Variants in ECT2L observed in about 807,000 individuals in gnomAD.
ECT2L encodes the protein epithelial cell transforming 2 like, also known as epithelial cell-transforming sequence 2 oncogene-like.
Under a neutral mutation model 122.8 loss-of-function variants are expected in ECT2L, and 126 were observed. The observed-to-expected ratio is 1.03, with a 90% CI of 0.89 to 1.19. The LOEUF (loss-of-function observed/expected upper bound fraction) is 1.19. Ranked by LOEUF, ECT2L falls within the 50% of genes most tolerant of loss-of-function variation. The probability of loss-of-function intolerance (pLI) is 0.00; values close to 1 mark genes in which losing one functional copy is unlikely to be tolerated. For synonymous variants in ECT2L, 385 were observed against 381.8 expected, an observed-to-expected ratio of 1.01 and a Z score of -0.10; for missense variants, 1,012 against 1,064.1, an observed-to-expected ratio of 0.95 and a Z score of 0.68.
At position 138,891,929 on chromosome 6, in the gene ECT2L, C is replaced by CT. The variant is rs199588044; in HGVS notation, c.2414+2905dup. 3.9e-5 allele frequency among the ~76,000 whole-genome samples: 6 copies of CT among 152,290 alleles called. No homozygotes were observed. In the East Asian group the frequency reaches 9.6e-4, roughly 24 times the overall value. ...TGAATGTATTATGCCTAGATGTAGA[C>CT]TTTTTTTAAAATCCTGTTTTGTGTT... On this transcript the variant is annotated intron_variant, in intron 20 of 21. Coordinates refer to ENST00000541398, the MANE Select transcript of ECT2L (RefSeq NM_001077706.3).
intron 9 of ECT2L, among the ~76,000 whole-genome samples, chr6:138,850,994 C>CAAAAAAAAAA (rs34453938): frequency 6.1e-4 from 35 of 57,768 alleles, no homozygotes; most frequent in African/African-American, 1.0e-3. Flanking sequence ...AACTCCATCT[C>CAAAAAAAAAA]AAAAAAAAAA....
chr6:138,810,103 C>T (rs78528657), intron 1 of ECT2L, among the ~76,000 whole-genome samples: 2,057 of 152,164 alleles, frequency 0.014, 42 homozygotes, highest in African/African-American at 0.048. Flanking sequence ...TACTACAGGC[C>T]ACGTTTGCCA....
At chr6:138,889,404 G>A (rs1778939946) in intron 20 of ECT2L, among the ~76,000 whole-genome samples, 1 of 151,820 alleles carries the variant, frequency 6.6e-6, no homozygotes, top group Admixed American at 6.6e-5. Context: ...TCGGCTCACA[G>A]CAACCTCCGC....
intron 12 of ECT2L, 105 bp downstream of exon 12, chr6:138,865,283 C>T: frequency 8.9e-7 from 1 of 1,125,362 alleles, no homozygotes; most frequent in Non-Finnish European, 1.2e-6. Flanking sequence ...TACTCTTGAA[C>T]ATCTCCAGTA....
Position 138,822,901 on chromosome 6 carries a change from T to C in ECT2L, c.179+8298T>C, listed in dbSNP as rs191771435. ...CTCCCTGTATTCCTCACAATAGCTT[T>C]CGTCATTGGACTTGCAGGCAATTCC... On this transcript the variant is annotated intron_variant, in intron 4 of 21. Coordinates refer to ENST00000541398, the MANE Select transcript of ECT2L (RefSeq NM_001077706.3). The C allele has an allele frequency of 1.1e-5, 18 of 1,613,954 alleles. No individual in the cohort carries two copies. In the Admixed American group the frequency reaches 1.2e-4, roughly 10 times the overall value.
At chr6:138,833,883 G>A (rs1224529290) in intron 4 of ECT2L, among the ~76,000 whole-genome samples, 3 of 151,938 alleles carry the variant, frequency 2.0e-5, no homozygotes, top group Non-Finnish European at 4.4e-5. Flanking sequence ...CCCTGACCAA[G>A]CCATAAAAGT....
At chr6:138,862,853 C>T (rs778758896) in intron 11 of ECT2L, 134 bp downstream of exon 11, 74 of 628,602 alleles carry the variant, frequency 1.2e-4, no homozygotes, top group Non-Finnish European at 1.8e-4. Flanking sequence ...CCTGAAGGAA[C>T]GCTATTAGTT....
rs1777539116 is a variant in ECT2L at position 138,854,169 on chromosome 6, C to T, written c.1198+15C>T. 2 of 1,593,994 alleles carry T rather than the reference C, an allele frequency of 1.3e-6. No individual in the cohort carries two copies. Among genetic ancestry groups the T allele is most frequent in the South Asian group, 1.1e-5 (1 of 88,748 alleles). ...TGGAGCATCAGGTTAGCTCAGAACA[C>T]CTTATAGAGAGACAGTGGCCATGCC... On this transcript the variant is annotated intron_variant, in intron 10 of 21. Coordinates refer to ENST00000541398, the MANE Select transcript of ECT2L (RefSeq NM_001077706.3).
chr6:138,805,699 A>G (rs1392491798), intron 1 of ECT2L, among the ~76,000 whole-genome samples: 1 of 152,154 alleles, frequency 6.6e-6, no homozygotes, highest in African/African-American at 2.4e-5. Context: ...CTCTCTCCAT[A>G]TGGTCTCTTG....
rs778229557 is a variant in ECT2L, at chr6:138,868,206, TGTAA to T, written c.1578+3_1578+6del. ...TGATGGAGTTGTCAAAAGAAGATTC[TGTAA>T]GTGTTTCTTTGAAGAAAGTAAACTA... On this transcript the variant is annotated splice_donor_variant and splice_donor_region_variant and intron_variant, in intron 13 of 21. Coordinates refer to ENST00000541398, the MANE Select transcript of ECT2L (RefSeq NM_001077706.3). LOFTEE classifies it high-confidence loss of function. 1.6e-5 allele frequency: 25 copies of T among 1,608,190 alleles called. No individual in the cohort carries two copies. The highest frequency in any genetic ancestry group is 2.0e-5 in the Non-Finnish European group (23 of 1,177,622).
Position 138,885,709 on chromosome 6 carries a change from T to G in ECT2L, c.2138T>G (p.Phe713Cys). ...CTGCTGCTGTACCCATCCCGAAGAT[T>G]TGAAGAATACCTTAATCTTCTCTAC... is the stretch of plus-strand genomic sequence containing the variant. Reference protein sequence around the residue: ...PELLLYPSRRFEEYLNLLYAV... With the variant: ...PELLLYPSRRCEEYLNLLYAV... The change falls in exon 18 of 22, where the codon TTT (phenylalanine) becomes TGT (cysteine). Residue 713 changes from phenylalanine (F) to cysteine (C), a missense_variant. By Grantham distance (205) the Phe-to-Cys change is radical (BLOSUM62 -2). Coordinates refer to ENST00000541398, the MANE Select transcript of ECT2L (RefSeq NM_001077706.3). 2 of 1,614,194 alleles carry G rather than the reference T, an allele frequency of 1.2e-6. No homozygotes were observed. Among genetic ancestry groups the G allele is most frequent in the Non-Finnish European group, 1.7e-6 (2 of 1,180,036 alleles).
At chr6:138,859,582 A>G (rs1424047951) in intron 10 of ECT2L, among the ~76,000 whole-genome samples, 2 of 152,112 alleles carry the variant, frequency 1.3e-5, no homozygotes, top group Non-Finnish European at 2.9e-5. Flanking sequence ...TTGGGTGGGT[A>G]TGTGGTGGTA....
chr6:138,814,397 C>A, intron 3 of ECT2L, 94 bp from the exon 4 acceptor site: 1 of 686,198 alleles, frequency 1.5e-6, no homozygotes, highest in Non-Finnish European at 2.4e-6. Flanking sequence ...CAAATATTAG[C>A]TGTGAGGTTG....
At chr6:138,876,287 T>TA (rs1778447500) in intron 13 of ECT2L, among the ~76,000 whole-genome samples, 185 bp from the exon 14 acceptor site, 2 of 152,262 alleles carry the variant, frequency 1.3e-5, no homozygotes, top group East Asian at 1.9e-4. Flanking sequence ...AGGCTATTTT[T>TA]AAAAAACATA....
At chr6:138,897,365 A>AT (rs1259280679) in intron 20 of ECT2L, among the ~76,000 whole-genome samples, 1 of 152,196 alleles carries the variant, frequency 6.6e-6, no homozygotes, top group Admixed American at 6.5e-5. Flanking sequence ...AAAACCTCAT[A>AT]CAGTATAAGT....
rs187910585 is a variant in ECT2L, at chr6:138,885,662, T to G, written c.2103-12T>G. On this transcript the variant is annotated splice_polypyrimidine_tract_variant and intron_variant, in intron 17 of 21. Coordinates refer to ENST00000541398, the MANE Select transcript of ECT2L (RefSeq NM_001077706.3). ...TCAGAGACCAGAGCTCCCTTCTCTA[T>G]GCCTCATACAGCCTGCCAGAGCTGC... is the stretch of plus-strand genomic sequence containing the variant. The G allele has an allele frequency of 3.4e-3, 5,434 of 1,613,968 alleles. 22 individuals are homozygous for G. Among genetic ancestry groups the G allele is most frequent in the South Asian group, 5.3e-3 (484 of 91,048 alleles).
chr6:138,811,340 C>T (rs529019811), intron 1 of ECT2L, among the ~76,000 whole-genome samples: 2 of 152,336 alleles, frequency 1.3e-5, no homozygotes, highest in South Asian at 4.1e-4. Context: ...AGCTGCAGGG[C>T]CTTCAGTGAG....
intron 8 of ECT2L, among the ~76,000 whole-genome samples, chr6:138,847,780 C>T (rs1222413820): frequency 6.6e-6 from 1 of 152,146 alleles, no homozygotes; most frequent in Admixed American, 6.6e-5. Flanking sequence ...AATTCCAACA[C>T]TCTTTTAGCT....
chr6:138,873,159 C>CT (rs1778313703), intron 13 of ECT2L, among the ~76,000 whole-genome samples: 1 of 152,144 alleles, frequency 6.6e-6, no homozygotes, highest in East Asian at 1.9e-4. Flanking sequence ...ATCAGGCCCT[C>CT]TATTGCTACA....
Sources: allele counts gnomAD v4.1 joint callset (sites outside exome capture counted in the v4.1 genomes callset), GRCh38; gene constraint gnomAD v4.1.1; transcripts MANE v1.5; gene names NCBI Gene and HGNC (gene_info 2026-07-23, HGNC 2026-07-21).